The following EFHC1 variants were observed in gnomAD, a reference collection of about 807,000 sequenced individuals.
The protein encoded by EFHC1 is EF-hand domain-containing protein 1.
In EFHC1, 53 loss-of-function variants were observed where a neutral mutation model predicts 69.9. That is an observed-to-expected ratio of 0.76 (90% CI 0.61 to 0.95). The LOEUF (loss-of-function observed/expected upper bound fraction) is 0.95, where lower values mean the gene tolerates loss of function less well. Ranked by LOEUF, EFHC1 falls within the 40% of genes least tolerant of loss-of-function variation. The probability of loss-of-function intolerance (pLI) is 0.00; values close to 1 mark genes in which losing one functional copy is unlikely to be tolerated. For missense variants in EFHC1, 739 were observed against 798.7 expected (o/e 0.93, Z 0.90); for synonymous variants, 256 against 278.4 (o/e 0.92, Z 0.80).
chr6:52,476,907 A>G (rs1765556040), intron 7 of EFHC1, among the ~76,000 whole-genome samples: 2 of 152,314 alleles, frequency 1.3e-5, no homozygotes, highest in South Asian at 4.1e-4. Flanking sequence ...ATATTGTACT[A>G]TTGTTATTTT....
Position 52,496,879 on chromosome 6 carries a change from A to G in EFHC1, c.*4538A>G, listed in dbSNP as rs1562469898. The G allele has an allele frequency of 2.6e-5, 4 of 152,196 alleles. No homozygotes were observed. Among genetic ancestry groups the G allele is most frequent in the East Asian group, 1.9e-4 (1 of 5,204 alleles). 9.4% of individuals were successfully genotyped at this position (152,196 alleles called of 1,614,324 possible). The stretch of plus-strand genomic sequence containing the variant: ...CCTGTAACTGCACTCATCTTTTGAG[A>G]TCTTTTTCCAAAGAAAGATGGTTCT... On this transcript the variant is annotated 3_prime_UTR_variant, in exon 11 of 11. Coordinates refer to ENST00000371068, the MANE Select transcript of EFHC1 (RefSeq NM_018100.4).
At position 52,479,774 on chromosome 6, in the gene EFHC1, C is replaced by T; in HGVS notation, c.1627C>T (p.Pro543Ser). The T allele has an allele frequency of 1.2e-6, 2 of 1,614,094 alleles. No homozygotes were observed. The highest frequency in any genetic ancestry group is 8.5e-7 in the Non-Finnish European group (1 of 1,180,018). Residue 543 changes from proline (P) to serine (S), a missense_variant, in exon 9 of 11, where the codon CCA becomes TCA. Transcript: ENST00000371068. ...TGTCCGAAAGCGAGAAGCGCCTGCT[C>T]CAGAAGCAGAAAGGTGTGTGTTTGA... is the stretch of plus-strand genomic sequence containing the variant. ...NHVRKREAPAPEAESKQTEKD... is the reference protein window; with the variant it reads ...NHVRKREAPASEAESKQTEKD...
At chr6:52,460,170 T>C (rs1359483015) in intron 5 of EFHC1, among the ~76,000 whole-genome samples, 1 of 152,208 alleles carries the variant, frequency 6.6e-6, no homozygotes, top group South Asian at 2.1e-4. Context: ...TAAACAATTA[T>C]TGTATATCAG....
At chr6:52,485,496 T>G (rs1213790892) in intron 9 of EFHC1, 1 of 152,054 alleles carries the variant, frequency 6.6e-6, no homozygotes, top group Non-Finnish European at 1.5e-5. Context: ...TATGGTTTGT[T>G]TGGCCCCATG....
intron 3 of EFHC1, 121 bp from the exon 4 acceptor site, chr6:52,452,567 G>A: frequency 8.7e-7 from 1 of 1,145,034 alleles, no homozygotes; most frequent in Non-Finnish European, 1.3e-6. Context: ...CTCCCAAAGT[G>A]CTGAGATTGT....
At chr6:52,476,564 C>G (rs1765549796) in intron 7 of EFHC1, among the ~76,000 whole-genome samples, 1 of 152,158 alleles carries the variant, frequency 6.6e-6, no homozygotes, top group African/African-American at 2.4e-5. Flanking sequence ...ACCAAGTGAT[C>G]AAGGTCAGTG....
intron 1 of EFHC1, chr6:52,423,730 T>G (rs1764240151): frequency 3.3e-6 from 3 of 913,598 alleles, no homozygotes. Flanking sequence ...GGTCTCGAAC[T>G]CTGGGGCTGA....
chr6:52,486,569 A>G (rs1765791429), intron 9 of EFHC1: 1 of 152,154 alleles, frequency 6.6e-6, no homozygotes, highest in South Asian at 2.1e-4. Flanking sequence ...AATTTTCCAA[A>G]TATTCTCATT....
chr6:52,430,792 T>C (rs653346), intron 2 of EFHC1, among the ~76,000 whole-genome samples: 147,284 of 152,260 alleles, frequency 0.97, 71,280 homozygotes, highest in East Asian at 1. Flanking sequence ...AGTTTTTCTT[T>C]GAATATCTGG....
rs2397092 is a variant in EFHC1 at position 52,493,831 on chromosome 6, C to A, written c.*1490C>A. On this transcript the variant is annotated 3_prime_UTR_variant, in exon 11 of 11. Coordinates refer to ENST00000371068, the MANE Select transcript of EFHC1 (RefSeq NM_018100.4). Reference sequence around the variant, plus strand: ...ATCTTTAAACATGCTATCTCAAATTCCCCGAAGCCACCCAAAATGTGGTAT... The same window carrying A: ...ATCTTTAAACATGCTATCTCAAATTACCCGAAGCCACCCAAAATGTGGTAT... The A allele has an allele frequency of 0.22, 97,770 of 453,852 alleles. 12,257 individuals carry two copies. The highest frequency in any genetic ancestry group is 0.41 in the Admixed American group (17,442 of 42,540). 28.1% of individuals were successfully genotyped at this position (453,852 alleles called of 1,614,324 possible).
intron 3 of EFHC1, among the ~76,000 whole-genome samples, chr6:52,451,332 G>A (rs1011608203): frequency 2.0e-5 from 3 of 152,106 alleles, no homozygotes; most frequent in Non-Finnish European, 4.4e-5. Context: ...AGGTCTGGTG[G>A]TAATGAACTC....
At chr6:52,477,093 C>A (rs1273476370) in intron 7 of EFHC1, among the ~76,000 whole-genome samples, 1 of 152,016 alleles carries the variant, frequency 6.6e-6, no homozygotes, top group Admixed American at 6.6e-5. Context: ...CCATAATAAA[C>A]CATTACCATT....
intron 4 of EFHC1, 41 bp downstream of exon 4, chr6:52,452,878 A>T: frequency 6.2e-7 from 1 of 1,613,150 alleles, no homozygotes; most frequent in Non-Finnish European, 8.5e-7. Flanking sequence ...CTTATTTCCA[A>T]ATGTGACCTA....
Position 52,438,286 on chromosome 6 carries a change from T to C in EFHC1, c.286-18T>C. 6.2e-7 allele frequency: 1 copy of C among 1,608,692 alleles called. No individual in the cohort carries two copies. The highest frequency in any genetic ancestry group is 1.3e-5 in the African/African-American group (1 of 74,994). On this transcript the variant is annotated intron_variant, in intron 2 of 10. Transcript: ENST00000371068. The stretch of plus-strand genomic sequence containing the variant: ...CAAGCTAATAGTACACCATTTCTCC[T>C]TTCCTTGTATGTTATAGGTACTGAA...
At chr6:52,452,998 T>G in intron 4 of EFHC1, 161 bp downstream of exon 4, 1 of 1,550,696 alleles carries the variant, frequency 6.4e-7, no homozygotes, top group South Asian at 1.2e-5. Context: ...CATCAAGGGT[T>G]ACAGGTACAG....
At chr6:52,440,050 G>A (rs190246373) in intron 3 of EFHC1, among the ~76,000 whole-genome samples, 16 of 152,168 alleles carry the variant, frequency 1.1e-4, no homozygotes, top group East Asian at 7.7e-4. Flanking sequence ...ATCACTGAGC[G>A]TTTGACCTAA....
intron 9 of EFHC1, chr6:52,489,569 C>G (rs1335107316): frequency 3.2e-5 from 5 of 157,726 alleles, no homozygotes; most frequent in African/African-American, 1.2e-4. Flanking sequence ...TGTTACTATT[C>G]TCTCTTAATT....
rs1310498032 is a variant in EFHC1, at chr6:52,492,946, C to G, written c.*605C>G. ...ATATTTCATTATTCTGGGGGTTTCT[C>G]TGAAGGTATTTTTCGATGAGATAAA... is the stretch of plus-strand genomic sequence containing the variant. On this transcript the variant is annotated 3_prime_UTR_variant, in exon 11 of 11. Coordinates refer to ENST00000371068, the MANE Select transcript of EFHC1 (RefSeq NM_018100.4). The G allele has an allele frequency of 1.1e-5, 5 of 454,086 alleles. No homozygotes were observed. The Admixed American group carries it at 1.2e-4, about 11-fold the overall frequency. The allele number at this position is 454,086 out of a possible 1,614,324, so 28.1% of individuals were successfully genotyped here.
At chr6:52,452,544 C>A in intron 3 of EFHC1, 144 bp from the exon 4 acceptor site, 1 of 867,148 alleles carries the variant, frequency 1.2e-6, no homozygotes. Flanking sequence ...TTCAGGAGTC[C>A]TCCTACCTCA....
Sources: allele counts gnomAD v4.1 joint callset (sites outside exome capture counted in the v4.1 genomes callset), GRCh38; gene constraint gnomAD v4.1.1; transcripts MANE v1.5; gene names NCBI Gene and HGNC (gene_info 2026-07-23, HGNC 2026-07-21).